The following NAALADL2 variants were observed in gnomAD, a reference collection of about 807,000 sequenced individuals.
NAALADL2 encodes the protein N-acetylated alpha-linked acidic dipeptidase like 2.
A neutral mutation model predicts 87.2 loss-of-function variants in NAALADL2; 76 were observed. The ratio of observed to expected loss-of-function variants is 0.87; its 90% CI spans 0.72 to 1.05. The LOEUF is 1.05. Among genes scored for constraint, NAALADL2 ranks in the 50% least tolerant of loss-of-function variants. NAALADL2 has a pLI of 0.00. For synonymous variants in NAALADL2, 354 were observed against 331.0 expected (o/e 1.07, Z -0.75); for missense variants, 1,089 against 945.8 (o/e 1.15, Z -1.99).
chr3:174,452,761 G>GAA (rs565569906), intron 1 of NAALADL2, among the ~76,000 whole-genome samples: 2,453 of 136,904 alleles, frequency 0.018, 64 homozygotes, highest in African/African-American at 0.062. Context: ...TAGCATAAAA[G>GAA]AAAAAAAAAA....
Position 175,219,855 on chromosome 3 carries a change from T to C in NAALADL2, c.546-14076T>C, listed in dbSNP as rs1283492113. On this transcript the variant is annotated intron_variant, in intron 2 of 13. Transcript: ENST00000454872. ...TTTAAAATTTCTCTCAATAATAGTT[T>C]GTGGTTTTCTTTCTTTTTTTTTTTT... 2.7e-5 allele frequency among the ~76,000 whole-genome samples: 4 copies of C among 148,468 alleles called. No homozygotes were observed. The East Asian group carries it at 5.8e-4, about 21-fold the overall frequency.
chr3:175,130,109 T>G (rs1249264941), intron 2 of NAALADL2, among the ~76,000 whole-genome samples: 1 of 152,212 alleles, frequency 6.6e-6, no homozygotes, highest in East Asian at 1.9e-4. Flanking sequence ...ATATCTTTTT[T>G]GGAGAAATGT....
At chr3:174,781,423 A>T (rs1214503676) in intron 3 of NAALADL2, among the ~76,000 whole-genome samples, 1 of 151,590 alleles carries the variant, frequency 6.6e-6, no homozygotes, top group Non-Finnish European at 1.5e-5. Flanking sequence ...CACCATTCAG[A>T]CGTAGATTTG....
intron 1 of NAALADL2, among the ~76,000 whole-genome samples, chr3:174,904,037 A>G (rs533834130): frequency 6.6e-6 from 1 of 151,662 alleles, no homozygotes; most frequent in African/African-American, 2.4e-5. Context: ...TTCTAGATAT[A>G]TATCTATATC....
intron 2 of NAALADL2, among the ~76,000 whole-genome samples, chr3:175,205,124 C>A (rs1740629950): frequency 6.6e-6 from 1 of 151,916 alleles, no homozygotes; most frequent in South Asian, 2.1e-4. Flanking sequence ...CATATGGAAC[C>A]AAAAAAGTGT....
In NAALADL2 at chr3:175,300,791, T is replaced by A. The variant is rs532443043; in HGVS notation, c.940-23384T>A. 3.1e-3 allele frequency among the ~76,000 whole-genome samples: 444 copies of A among 142,624 alleles called. 3 individuals are homozygous for A. The highest frequency in any genetic ancestry group is 0.011 in the African/African-American group (413 of 36,032). The allele number at this position is 142,624 out of a possible 152,430, so 93.6% of individuals were successfully genotyped here. ...TATTTATTTATTTATTTATTTATTT[T>A]ATTTTATTTTATTTATTTTGAGCTC... On this transcript the variant is annotated intron_variant, in intron 4 of 13. Coordinates refer to ENST00000454872, the MANE Select transcript of NAALADL2 (RefSeq NM_207015.3).
chr3:174,968,516 A>G (rs189059149), intron 1 of NAALADL2, among the ~76,000 whole-genome samples: 7 of 151,702 alleles, frequency 4.6e-5, no homozygotes, highest in Admixed American at 2.6e-4. Context: ...TTTTTTTTCT[A>G]TCACCCAGGC....
intron 2 of NAALADL2, among the ~76,000 whole-genome samples, chr3:174,681,296 A>G (rs1727511354): frequency 6.6e-6 from 1 of 152,150 alleles, no homozygotes; most frequent in South Asian, 2.1e-4. Flanking sequence ...GCAAGTGCTG[A>G]TGCTGTGTTA....
intron 2 of NAALADL2, among the ~76,000 whole-genome samples, chr3:175,216,642 C>A (rs1742560176): frequency 8.0e-6 from 1 of 124,562 alleles, no homozygotes. Context: ...TGTTGACAAG[C>A]AATTTTTTTT....
intron 13 of NAALADL2, among the ~76,000 whole-genome samples, chr3:175,795,458 G>A (rs1214688588): frequency 6.6e-6 from 1 of 151,838 alleles, no homozygotes; most frequent in East Asian, 1.9e-4. Flanking sequence ...TGGATCACGA[G>A]GTCAGGATAT....
At chr3:175,210,145 C>A (rs1741557315) in intron 2 of NAALADL2, among the ~76,000 whole-genome samples, 1 of 151,588 alleles carries the variant, frequency 6.6e-6, no homozygotes, top group South Asian at 2.1e-4. Flanking sequence ...AACTAATTAG[C>A]CAAGGGTTGA....
At chr3:175,209,726 G>C (rs1000687524) in intron 2 of NAALADL2, among the ~76,000 whole-genome samples, 1 of 143,124 alleles carries the variant, frequency 7.0e-6, no homozygotes, top group East Asian at 2.2e-4. Context: ...TATATACTTG[G>C]TGTATATTTA....
rs193133333 is a variant in NAALADL2, at chr3:175,243,770, T to C, written c.819+9566T>C. ...ACGGCCACAGAAGCTACTCAAAATT[T>C]AATCATAATATTGAAAGGGGCAGGG... is the stretch of plus-strand genomic sequence containing the variant. On this transcript the variant is annotated intron_variant, in intron 3 of 13. Coordinates refer to ENST00000454872, the MANE Select transcript of NAALADL2 (RefSeq NM_207015.3). Among the ~76,000 whole-genome samples the C allele has an allele frequency of 1.8e-4, 27 of 152,204 alleles. No individual in the cohort carries two copies. The East Asian group carries it at 2.9e-3, about 16-fold the overall frequency.
At chr3:174,474,056 T>C (rs1410485495) in intron 1 of NAALADL2, among the ~76,000 whole-genome samples, 2 of 152,096 alleles carry the variant, frequency 1.3e-5, no homozygotes, top group Non-Finnish European at 2.9e-5. Flanking sequence ...AGTTACCTCT[T>C]ATGGGGTTCC....
At chr3:174,472,989 T>C (rs1349426016) in intron 1 of NAALADL2, among the ~76,000 whole-genome samples, 4 of 152,212 alleles carry the variant, frequency 2.6e-5, no homozygotes, top group Admixed American at 6.5e-5. Flanking sequence ...ACTTCGTAGA[T>C]TTCTTCTGAC....
At chr3:174,774,572 C>T (rs1714977164) in intron 3 of NAALADL2, among the ~76,000 whole-genome samples, 1 of 152,156 alleles carries the variant, frequency 6.6e-6, no homozygotes, top group Non-Finnish European at 1.5e-5. Context: ...TTGGTAGTTG[C>T]AGTGACAGTT....
chr3:174,839,208 A>T (rs1723725745), intron 3 of NAALADL2, among the ~76,000 whole-genome samples: 1 of 152,220 alleles, frequency 6.6e-6, no homozygotes, highest in African/African-American at 2.4e-5. Context: ...CAGCCAACTG[A>T]TCTTTGACAA....
At chr3:175,412,882 T>A (rs547460825) in intron 5 of NAALADL2, among the ~76,000 whole-genome samples, 60 of 106,700 alleles carry the variant, frequency 5.6e-4, no homozygotes, top group African/African-American at 1.2e-3. Flanking sequence ...AGATTATTTA[T>A]TTAATTTATT....
At chr3:174,508,114 GT>G (rs1311325384) in intron 1 of NAALADL2, among the ~76,000 whole-genome samples, 63 of 103,886 alleles carry the variant, frequency 6.1e-4, no homozygotes, top group Middle Eastern at 6.3e-3. Flanking sequence ...ATATCTAGTG[GT>G]TTTTTTTTTT....
Sources: allele counts gnomAD v4.1 joint callset (sites outside exome capture counted in the v4.1 genomes callset), GRCh38; gene constraint gnomAD v4.1.1; transcripts MANE v1.5; gene names NCBI Gene and HGNC (gene_info 2026-07-23, HGNC 2026-07-21).